Variants in SPATA13 observed in about 807,000 individuals in gnomAD.
SPATA13 encodes the protein spermatogenesis-associated protein 13.
A neutral mutation model predicts 104.0 loss-of-function variants in SPATA13; 50 were observed. The ratio of observed to expected loss-of-function variants is 0.48; its 90% CI spans 0.38 to 0.61. SPATA13 has a LOEUF of 0.61. SPATA13 is among the 20% of genes least tolerant of loss of function. The pLI, the probability that SPATA13 is intolerant of heterozygous loss-of-function variation, is 0.00. For synonymous variants in SPATA13, 606 were observed against 667.5 expected, an observed-to-expected ratio of 0.91 and a Z score of 1.42; for missense variants, 1,524 against 1,690.6, an observed-to-expected ratio of 0.90 and a Z score of 1.73.
At chr13:24,266,466 G>T (rs1270726924) in intron 4 of SPATA13, among the ~76,000 whole-genome samples, 1 of 151,932 alleles carries the variant, frequency 6.6e-6, no homozygotes, top group Non-Finnish European at 1.5e-5. Context: ...TTTATTTTTT[G>T]TAGAGATGGG....
Position 24,297,694 on chromosome 13 carries a change from G to A in SPATA13, c.3542G>A (p.Cys1181Tyr), listed in dbSNP as rs1176137002. The change falls in exon 11 of 13, where the codon TGT (cysteine) becomes TAT (tyrosine). Residue 1181 changes from cysteine (C) to tyrosine (Y), a missense_variant. Physicochemically the swap from Cys to Tyr is radical, Grantham distance 194 (BLOSUM62 -2). Around this residue, in one of 2 missense-constraint regions of SPATA13, gnomAD observed 435 missense variants for 554.8 expected, o/e 0.78. Transcript: ENST00000382108. The stretch of plus-strand genomic sequence containing the variant: ...GACAAGGCGAGGTGGCTGCAGGCCT[G>A]TGCAGATGAAAGGAGGCGGGTGCAA... ...QEDKARWLQACADERRRVQED... is the reference protein window; with the variant it reads ...QEDKARWLQAYADERRRVQED... 5.0e-6 allele frequency: 8 copies of A among 1,613,848 alleles called. No individual in the cohort carries two copies. Among genetic ancestry groups the A allele is most frequent in the African/African-American group, 4.0e-5 (3 of 74,924 alleles).
intron 1 of SPATA13, among the ~76,000 whole-genome samples, chr13:24,178,209 A>G (rs971118554): frequency 1.5e-4 from 23 of 152,222 alleles, no homozygotes; most frequent in African/African-American, 4.6e-4. Flanking sequence ...AATTTCCAGA[A>G]GGCGCAAACG....
rs1871813174 is a variant in SPATA13, at chr13:24,224,436, G to T, written c.1507G>T (p.Gly503Ter). The change falls in exon 2 of 13, where the codon GGA becomes TGA. Residue 503 changes from glycine to a stop codon, truncating the protein, a stop_gained. Transcript: ENST00000382108. LOFTEE classifies it high-confidence loss of function. ...ALSANSEESE[G>*]RAEEPAQREP... ...GTCCGCGAATTCAGAGGAAAGTGAA[G>T]GAAGGGCAGAAGAGCCTGCTCAGAG... 3 of 1,551,646 alleles carry T rather than the reference G, an allele frequency of 1.9e-6. No individual in the cohort carries two copies. The highest frequency in any genetic ancestry group is 2.6e-6 in the Non-Finnish European group (3 of 1,147,022).
chr13:23,983,947 C>G (rs1324991542), intron 2 of SPATA13: 4 of 985,420 alleles, frequency 4.1e-6, no homozygotes, highest in Non-Finnish European at 4.8e-6. Context: ...AGTTGAGCAA[C>G]TTTCTGCCTG....
Position 24,103,004 on chromosome 13 carries a change from G to A in SPATA13, c.-112+85303G>A, listed in dbSNP as rs149665274. 9.1e-4 allele frequency among the ~76,000 whole-genome samples: 138 copies of A among 152,138 alleles called. 1 individual carries two copies. Among genetic ancestry groups the A allele is most frequent in the African/African-American group, 3.2e-3 (134 of 41,494 alleles). ...TTATTCCTTTGCATGTGGCTATCCC[G>A]TTTTCCCAGCACCTTTTGTTGAAGA... On this transcript the variant is annotated intron_variant, in intron 3 of 14. Coordinates refer to the SPATA13 transcript ENST00000424834.
chr13:24,214,316 CT>C (rs1871176058), intron 1 of SPATA13, among the ~76,000 whole-genome samples: 1 of 152,238 alleles, frequency 6.6e-6, no homozygotes, highest in African/African-American at 2.4e-5. Context: ...TGCTTCACGT[CT>C]TTGGATCTGG....
chr13:23,989,963 C>T (rs1364046210), intron 2 of SPATA13, among the ~76,000 whole-genome samples: 1 of 152,206 alleles, frequency 6.6e-6, no homozygotes, highest in African/African-American at 2.4e-5. Context: ...TGATCTTTGA[C>T]TTCCCAGCCT....
intron 3 of SPATA13, 36 bp from the exon 4 acceptor site, chr13:24,251,682 T>C (rs763378427): frequency 6.2e-7 from 1 of 1,610,414 alleles, no homozygotes; most frequent in South Asian, 1.1e-5. Context: ...TGCCACTTCC[T>C]GGTACCTCCT....
intron 11 of SPATA13, among the ~76,000 whole-genome samples, chr13:24,299,843 G>C (rs1298282410): frequency 6.6e-6 from 1 of 152,188 alleles, no homozygotes; most frequent in Non-Finnish European, 1.5e-5. Context: ...AGTGACTCTT[G>C]TTTCACCCAG....
chr13:24,067,915 G>T (rs1179980915), intron 3 of SPATA13, among the ~76,000 whole-genome samples: 1 of 152,166 alleles, frequency 6.6e-6, no homozygotes, highest in Non-Finnish European at 1.5e-5. Context: ...TGTTGGCAAG[G>T]TTGGTCTCGA....
At chr13:24,105,674 G>C (rs1437585645) in intron 3 of SPATA13, among the ~76,000 whole-genome samples, 1 of 152,156 alleles carries the variant, frequency 6.6e-6, no homozygotes, top group Non-Finnish European at 1.5e-5. Flanking sequence ...AAAGCTCTCT[G>C]TTAAGGGCCG....
intron 9 of SPATA13, among the ~76,000 whole-genome samples, chr13:24,293,978 A>G (rs1318035798): frequency 6.6e-6 from 1 of 152,218 alleles, no homozygotes; most frequent in Non-Finnish European, 1.5e-5. Flanking sequence ...AATATAGCTC[A>G]TTAGCTGGAT....
rs1285601387 is a variant in SPATA13 at position 23,982,206 on chromosome 13, A to G, written c.-353-1521A>G. Reference sequence around the variant, plus strand: ...TTTCTTACTTTCCACTTGCAGCCACATTAGAGAGGTCATAGGAAAAATTTC... The same window carrying G: ...TTTCTTACTTTCCACTTGCAGCCACGTTAGAGAGGTCATAGGAAAAATTTC... On this transcript the variant is annotated intron_variant, in intron 1 of 14. Transcript: ENST00000424834. Among the ~76,000 whole-genome samples, 5 of 152,332 alleles carry G rather than the reference A, an allele frequency of 3.3e-5. 1 individual carries two copies. Among genetic ancestry groups the G allele is most frequent in the Admixed American group, 2.6e-4 (4 of 15,302 alleles).
intron 3 of SPATA13, among the ~76,000 whole-genome samples, chr13:24,062,303 A>G (rs1878799600): frequency 1.3e-5 from 2 of 152,222 alleles, no homozygotes; most frequent in Non-Finnish European, 2.9e-5. Context: ...AATCCTGTGG[A>G]TATGGGTGAG....
At chr13:24,110,130 C>A (rs1053444845) in intron 3 of SPATA13, among the ~76,000 whole-genome samples, 10 of 151,418 alleles carry the variant, frequency 6.6e-5, no homozygotes, top group African/African-American at 2.4e-4. Flanking sequence ...AATAATGGCA[C>A]TTTGTTTCTT....
chr13:24,214,445 C>G (rs1189015479), intron 1 of SPATA13, among the ~76,000 whole-genome samples: 1 of 152,166 alleles, frequency 6.6e-6, no homozygotes, highest in African/African-American at 2.4e-5. Context: ...AGAATTTTCT[C>G]TTTACAATGC....
chr13:24,275,829 T>G (rs1874941441), intron 4 of SPATA13, among the ~76,000 whole-genome samples: 1 of 152,134 alleles, frequency 6.6e-6, no homozygotes, highest in Admixed American at 6.6e-5. Flanking sequence ...AGCTACTCGG[T>G]AGTCTTAGGC....
intron 3 of SPATA13, among the ~76,000 whole-genome samples, chr13:24,149,913 A>G (rs1190295903): frequency 6.6e-6 from 1 of 152,054 alleles, no homozygotes; most frequent in Non-Finnish European, 1.5e-5. Flanking sequence ...GGAGGAACAC[A>G]GAGATGGGAA....
chr13:24,090,776 A>G (rs886752266), intron 3 of SPATA13, among the ~76,000 whole-genome samples: 9 of 152,206 alleles, frequency 5.9e-5, no homozygotes, highest in Non-Finnish European at 7.3e-5. Flanking sequence ...TAAATCCAAC[A>G]TCTGGGCCCC....
Sources: gnomAD v4.1 joint callset for allele counts (sites outside exome capture counted in the v4.1 genomes callset) on GRCh38, gnomAD v4.1.1 for gene constraint, gnomAD v4.1.1 regional missense constraint, MANE v1.5 for transcripts, NCBI Gene and HGNC (gene_info 2026-07-23, HGNC 2026-07-21) for gene names.